DLGAP1: variants seen among roughly 807,000 people sequenced by gnomAD.
The protein encoded by DLGAP1 is disks large-associated protein 1.
DLGAP1 carries 11 observed loss-of-function variants against 90.8 expected under a neutral mutation model. The observed-to-expected ratio is 0.12, with a 90% CI of 0.08 to 0.20. The LOEUF is 0.20. Among genes scored for constraint, DLGAP1 ranks in the 10% least tolerant of loss-of-function variants. The probability of loss-of-function intolerance (pLI) is 1.00; values close to 1 mark genes in which losing one functional copy is unlikely to be tolerated. For missense variants in DLGAP1, 1,050 were observed against 1,333.8 expected, an observed-to-expected ratio of 0.79 and a Z score of 3.31; for synonymous variants, 558 against 540.7, an observed-to-expected ratio of 1.03 and a Z score of -0.44.
intron 1 of DLGAP1, among the ~76,000 whole-genome samples, chr18:4,356,198 G>T (rs1449896748): frequency 6.6e-6 from 1 of 151,476 alleles, no homozygotes; most frequent in Non-Finnish European, 1.5e-5. Flanking sequence ...GCTCCTTCTT[G>T]GTCTCATTTG....
intron 5 of DLGAP1, chr18:3,770,823 T>C (rs1284223754): frequency 6.6e-6 from 1 of 152,164 alleles, no homozygotes; most frequent in Non-Finnish European, 1.5e-5. Context: ...ACTAAATCAA[T>C]TAGGTACAAA....
intron 4 of DLGAP1, among the ~76,000 whole-genome samples, chr18:3,825,937 T>C (rs963101509): frequency 2.0e-5 from 3 of 152,194 alleles, no homozygotes; most frequent in African/African-American, 7.2e-5. Context: ...TGGAATACTA[T>C]GCAGCCATAA....
intron 4 of DLGAP1, among the ~76,000 whole-genome samples, chr18:3,875,582 G>A (rs2070978345): frequency 6.6e-6 from 1 of 152,160 alleles, no homozygotes; most frequent in Non-Finnish European, 1.5e-5. Flanking sequence ...CCACATACTA[G>A]CTGTGTGTCC....
intron 9 of DLGAP1, among the ~76,000 whole-genome samples, chr18:3,560,128 T>C (rs755761801): frequency 1.5e-4 from 23 of 151,804 alleles, no homozygotes; most frequent in Non-Finnish European, 2.9e-4. Flanking sequence ...CAGTTAAGAA[T>C]GAGAAAAATG....
chr18:3,680,655 G>A (rs1325204618), intron 7 of DLGAP1, among the ~76,000 whole-genome samples: 1 of 152,070 alleles, frequency 6.6e-6, no homozygotes, highest in Non-Finnish European at 1.5e-5. Context: ...TGGGCGTGAT[G>A]GCGGGCACCT....
chr18:3,883,326 C>T (rs751239086), intron 3 of DLGAP1, among the ~76,000 whole-genome samples: 2 of 152,190 alleles, frequency 1.3e-5, no homozygotes, highest in African/African-American at 2.4e-5. Context: ...TTTTGAGAGG[C>T]CAGGTCTTGT....
intron 2 of DLGAP1, among the ~76,000 whole-genome samples, chr18:4,071,505 C>T (rs531968663): frequency 1.3e-5 from 2 of 152,168 alleles, no homozygotes; most frequent in Admixed American, 1.3e-4. Flanking sequence ...TCCGACTTCC[C>T]AGGGCAGTGC....
rs1270256484 is a variant in DLGAP1 at position 4,099,297 on chromosome 18, A to G, written c.-159+51883T>C. Among the ~76,000 whole-genome samples, 62 of 14,264 alleles carry G rather than the reference A, an allele frequency of 4.3e-3. No individual in the cohort carries two copies. In the South Asian group the frequency reaches 0.07, roughly 16 times the overall value. The allele number at this position is 14,264 out of a possible 152,430, so 9.4% of individuals were successfully genotyped here. A position where few individuals can be genotyped will look rare whatever the true frequency, so the allele number is the denominator to read the frequency against. The stretch of plus-strand genomic sequence containing the variant: ...CTATCTATCTATCTATCTGTCTATC[A>G]TCTATCTATCTATCTATCTATCTAT... On this transcript the variant is annotated intron_variant, in intron 2 of 12. Transcript: ENST00000315677.
chr18:4,097,978 A>G (rs890464286), intron 2 of DLGAP1, among the ~76,000 whole-genome samples: 9 of 152,166 alleles, frequency 5.9e-5, no homozygotes, highest in Admixed American at 3.3e-4. Flanking sequence ...AAGTGGCACA[A>G]TCTTGGCCTA....
chr18:3,913,992 G>T (rs893475078), intron 3 of DLGAP1, among the ~76,000 whole-genome samples: 1 of 152,146 alleles, frequency 6.6e-6, no homozygotes, highest in African/African-American at 2.4e-5. Context: ...TTAATGAAAA[G>T]CTCTTCCAAT....
At chr18:4,182,458 C>T (rs918191652) in intron 1 of DLGAP1, among the ~76,000 whole-genome samples, 4 of 152,102 alleles carry the variant, frequency 2.6e-5, no homozygotes, top group African/African-American at 9.7e-5. Context: ...CCTTCCCCCA[C>T]CTTGTGGCCC....
chr18:3,984,680 G>A (rs563523165), intron 3 of DLGAP1, among the ~76,000 whole-genome samples: 5 of 151,924 alleles, frequency 3.3e-5, no homozygotes, highest in Admixed American at 6.6e-5. Flanking sequence ...TCTCTGCCTC[G>A]ACCTTGGTTG....
chr18:3,687,368 C>A (rs1479305969), intron 7 of DLGAP1, among the ~76,000 whole-genome samples: 3 of 152,158 alleles, frequency 2.0e-5, no homozygotes, highest in African/African-American at 7.2e-5. Flanking sequence ...GAATTAGCTT[C>A]ATGAAATGGA....
At chr18:4,104,843 C>G (rs944829042) in intron 2 of DLGAP1, among the ~76,000 whole-genome samples, 1 of 152,148 alleles carries the variant, frequency 6.6e-6, no homozygotes, top group Admixed American at 6.6e-5. Context: ...AGGCACAAGT[C>G]TTTATAGTTC....
At chr18:4,144,720 A>AT (rs902362409) in intron 2 of DLGAP1, among the ~76,000 whole-genome samples, 61 of 152,260 alleles carry the variant, frequency 4.0e-4, no homozygotes, top group Non-Finnish European at 6.2e-4. Context: ...GCTAATGTCT[A>AT]TTTTTTAACA....
intron 7 of DLGAP1, chr18:3,679,856 T>C (rs992846650): frequency 5.3e-5 from 8 of 151,586 alleles, no homozygotes; most frequent in Non-Finnish European, 7.4e-5. Flanking sequence ...TTCTTTCTTT[T>C]TTTTTTTTAA....
intron 3 of DLGAP1, among the ~76,000 whole-genome samples, chr18:3,952,703 T>C (rs1395870604): frequency 6.6e-6 from 1 of 152,246 alleles, no homozygotes; most frequent in African/African-American, 2.4e-5. Context: ...AATGAGATTA[T>C]CTTGCATAAA....
At position 4,378,482 on chromosome 18, in the gene DLGAP1, T is replaced by C. The variant is rs73941477; in HGVS notation, c.-267+76524A>G. The stretch of plus-strand genomic sequence containing the variant: ...TCAAATTGAGGTAGGTTTGATTGTC[T>C]TATTGGTAAGTAGGTTTGATACCTT... On this transcript the variant is annotated intron_variant, in intron 1 of 12. Coordinates refer to ENST00000315677, the MANE Select transcript of DLGAP1 (RefSeq NM_004746.4). This position sits in a 1 kb window ranked among gnomAD's most constrained non-coding sequence, Gnocchi z 4.5. 6.4e-3 allele frequency among the ~76,000 whole-genome samples: 976 copies of C among 152,256 alleles called. 8 individuals carry two copies. The highest frequency in any genetic ancestry group is 0.021 in the African/African-American group (886 of 41,562).
chr18:4,034,043 T>C (rs544154650), intron 2 of DLGAP1, among the ~76,000 whole-genome samples: 1 of 147,194 alleles, frequency 6.8e-6, no homozygotes, highest in African/African-American at 2.5e-5. Flanking sequence ...GGCCCTTTTT[T>C]TTTTTTTTTT....
Sources: gnomAD v4.1 joint callset for allele counts (sites outside exome capture counted in the v4.1 genomes callset) on GRCh38, gnomAD v4.1.1 for gene constraint, Gnocchi (gnomAD v3.1) non-coding constraint, MANE v1.5 for transcripts, NCBI Gene and HGNC (gene_info 2026-07-23, HGNC 2026-07-21) for gene names.